HSD17B3: variants seen among roughly 807,000 people sequenced by gnomAD.
The protein encoded by HSD17B3 is 17-beta-hydroxysteroid dehydrogenase type 3.
In HSD17B3, 29 loss-of-function variants were observed where a neutral mutation model predicts 41.1. That is an observed-to-expected ratio of 0.71 (90% CI 0.53 to 0.96). The LOEUF is 0.96. HSD17B3 is among the 40% of genes least tolerant of loss of function. The probability of loss-of-function intolerance (pLI) is 0.00; values close to 1 mark genes in which losing one functional copy is unlikely to be tolerated. For missense variants in HSD17B3, 323 were observed against 374.6 expected (o/e 0.86, Z 1.14); for synonymous variants, 126 against 145.6 (o/e 0.87, Z 0.97).
chr9:96,267,444 C>G (rs1277758740), intron 2 of HSD17B3, among the ~76,000 whole-genome samples: 1 of 152,044 alleles, frequency 6.6e-6, no homozygotes, highest in Non-Finnish European at 1.5e-5. Flanking sequence ...AGGTGTGAGT[C>G]ACCGTGCCTG....
intron 10 of HSD17B3, chr9:96,240,053 C>T (rs1836372662): frequency 6.6e-6 from 1 of 151,386 alleles, no homozygotes; most frequent in African/African-American, 2.4e-5. Flanking sequence ...AGGGGAACAT[C>T]ACACACCGGG....
At chr9:96,254,324 A>G (rs1825542860) in intron 3 of HSD17B3, among the ~76,000 whole-genome samples, 1 of 152,188 alleles carries the variant, frequency 6.6e-6, no homozygotes. Context: ...GGGGAAGGGA[A>G]GTCCCAAACA....
intron 1 of HSD17B3, among the ~76,000 whole-genome samples, 179 bp downstream of exon 1, chr9:96,301,772 T>C (rs1161596668): frequency 1.3e-5 from 2 of 149,856 alleles, no homozygotes; most frequent in Non-Finnish European, 3.0e-5. Flanking sequence ...TCCCAGCTAC[T>C]TGGGAGGCTG....
rs747329682 is a variant in HSD17B3 at position 96,298,423 on chromosome 9, G to A, written c.194C>T (p.Ser65Leu). 5.6e-6 allele frequency: 9 copies of A among 1,613,362 alleles called. No individual in the cohort carries two copies. The highest frequency in any genetic ancestry group is 5.9e-6 in the Non-Finnish European group (7 of 1,179,282). The change falls in exon 2 of 11, where the codon TCG becomes TTG. Residue 65 changes from serine to leucine, a missense_variant. Transcript: ENST00000375263. ...GAGDGIGKAY[S>L]FELAKRGLNV... Reference sequence around the variant, plus strand: ...CCCAGGAAGATAGCTTACCTCGAACGAGTACGCTTTCCCAATTCCATCGCC... The same window carrying A: ...CCCAGGAAGATAGCTTACCTCGAACAAGTACGCTTTCCCAATTCCATCGCC...
intron 10 of HSD17B3, among the ~76,000 whole-genome samples, chr9:96,236,844 CA>C (rs1836256876): frequency 6.6e-6 from 1 of 152,060 alleles, no homozygotes; most frequent in Non-Finnish European, 1.5e-5. Context: ...TAATGATTCA[CA>C]GCATAACTTT....
intron 2 of HSD17B3, among the ~76,000 whole-genome samples, chr9:96,285,883 GA>G (rs1192315550): frequency 2.0e-5 from 3 of 152,156 alleles, no homozygotes; most frequent in Admixed American, 2.0e-4. Context: ...AAAGGGAGGG[GA>G]AAAATGTCAG....
intron 6 of HSD17B3, among the ~76,000 whole-genome samples, chr9:96,248,888 C>T (rs1480071488): frequency 6.6e-6 from 1 of 151,742 alleles, no homozygotes; most frequent in Non-Finnish European, 1.5e-5. Context: ...GTGCCTAAGA[C>T]ATCTCTTGAT....
At chr9:96,295,420 C>T (rs1172122536) in intron 2 of HSD17B3, among the ~76,000 whole-genome samples, 3 of 151,940 alleles carry the variant, frequency 2.0e-5, no homozygotes, top group Non-Finnish European at 4.4e-5. Flanking sequence ...CTGCAACCTC[C>T]ACCTCCTGGG....
At chr9:96,282,984 GTTTC>G (rs1826756633) in intron 2 of HSD17B3, among the ~76,000 whole-genome samples, 3 of 124,976 alleles carry the variant, frequency 2.4e-5, no homozygotes, top group Non-Finnish European at 3.5e-5. Context: ...AGCACAACAG[GTTTC>G]TTTCTTTTTT....
intron 2 of HSD17B3, among the ~76,000 whole-genome samples, chr9:96,297,341 CTTTTTTTTTTTTT>C (rs71368242): frequency 1.4e-5 from 1 of 73,574 alleles, no homozygotes; most frequent in Non-Finnish European, 2.5e-5. Context: ...TTATTGATTT[CTTTTTTTTTTTTT>C]TTTTTTTTTG....
intron 1 of HSD17B3, among the ~76,000 whole-genome samples, chr9:96,298,837 T>C (rs1827467036): frequency 6.6e-6 from 1 of 152,166 alleles, no homozygotes; most frequent in Non-Finnish European, 1.5e-5. Flanking sequence ...GGGCAGGCAG[T>C]GTTCCCCATT....
At chr9:96,241,723 C>A (rs777195106) in intron 9 of HSD17B3, among the ~76,000 whole-genome samples, 3 of 151,962 alleles carry the variant, frequency 2.0e-5, no homozygotes, top group Non-Finnish European at 4.4e-5. Flanking sequence ...TTGCTTGAGC[C>A]CAGGAGTGCG....
At chr9:96,282,796 A>G (rs1826747671) in intron 2 of HSD17B3, among the ~76,000 whole-genome samples, 2 of 152,206 alleles carry the variant, frequency 1.3e-5, no homozygotes, top group South Asian at 4.1e-4. Context: ...AAAAGATAAT[A>G]AGAAGTCATG....
chr9:96,235,786 G>A (rs772134902), intron 10 of HSD17B3, among the ~76,000 whole-genome samples: 17 of 152,080 alleles, frequency 1.1e-4, no homozygotes, highest in Admixed American at 3.9e-4. Flanking sequence ...TCCTTTGGAC[G>A]ACCTAGTACA....
intron 6 of HSD17B3, among the ~76,000 whole-genome samples, chr9:96,249,375 C>T (rs980016100): frequency 2.0e-5 from 3 of 152,198 alleles, no homozygotes; most frequent in African/African-American, 7.2e-5. Flanking sequence ...ATCCAAGCCA[C>T]GCCCTCCGTC....
At chr9:96,281,228 G>A (rs1459262623) in intron 2 of HSD17B3, among the ~76,000 whole-genome samples, 2 of 152,002 alleles carry the variant, frequency 1.3e-5, no homozygotes, top group African/African-American at 4.8e-5. Context: ...TGGGTAAGTG[G>A]TGGGGTCTGG....
At chr9:96,275,950 G>C (rs748842850) in intron 2 of HSD17B3, among the ~76,000 whole-genome samples, 4 of 151,768 alleles carry the variant, frequency 2.6e-5, no homozygotes, top group Non-Finnish European at 5.9e-5. Flanking sequence ...AAAAGGCATA[G>C]AGTGGTTGAA....
chr9:96,241,755 C>CA (rs1384610644), intron 9 of HSD17B3, among the ~76,000 whole-genome samples: 1 of 151,866 alleles, frequency 6.6e-6, no homozygotes, highest in Non-Finnish European at 1.5e-5. Context: ...AGCAACATGG[C>CA]AAAACCTCAT....
At chr9:96,281,171 C>G (rs1359075105) in intron 2 of HSD17B3, among the ~76,000 whole-genome samples, 1 of 152,020 alleles carries the variant, frequency 6.6e-6, no homozygotes, top group Non-Finnish European at 1.5e-5. Flanking sequence ...TTTCTGGTGA[C>G]CACAAAGGGA....
Sources: allele counts gnomAD v4.1 joint callset (sites outside exome capture counted in the v4.1 genomes callset), GRCh38; gene constraint gnomAD v4.1.1; transcripts MANE v1.5; gene names NCBI Gene and HGNC (gene_info 2026-07-23, HGNC 2026-07-21).